Variants in LY9 observed in about 807,000 individuals in gnomAD.
LY9 encodes lymphocyte antigen 9.
LY9 carries 59 observed loss-of-function variants against 64.6 expected under a neutral mutation model. The ratio of observed to expected loss-of-function variants is 0.91; its 90% CI spans 0.74 to 1.13. The LOEUF (loss-of-function observed/expected upper bound fraction) is 1.13, where lower values mean the gene tolerates loss of function less well. Ranked by LOEUF, LY9 falls within the 50% of genes most tolerant of loss-of-function variation. LY9 has a pLI of 0.00. For missense variants in LY9, 789 were observed against 797.2 expected, an observed-to-expected ratio of 0.99 and a Z score of 0.12; for synonymous variants, 281 against 308.5, an observed-to-expected ratio of 0.91 and a Z score of 0.93.
intron 9 of LY9, among the ~76,000 whole-genome samples, chr1:160,826,919 C>T (rs1668881920): frequency 6.6e-6 from 1 of 152,200 alleles, no homozygotes; most frequent in African/African-American, 2.4e-5. Flanking sequence ...AAGTCAGTCC[C>T]TGCTCTGAGT....
intron 2 of LY9, chr1:160,801,722 G>A (rs989402106): frequency 3.2e-6 from 4 of 1,261,556 alleles, no homozygotes; most frequent in Non-Finnish European, 1.2e-6. Context: ...TTTTGAGGAG[G>A]TTTTTTATAT....
chr1:160,824,500 G>T (rs1668736387), intron 9 of LY9: 1 of 985,010 alleles, frequency 1.0e-6, no homozygotes, highest in Admixed American at 6.1e-5. Context: ...ACACTGACCT[G>T]AATGACAGCT....
At chr1:160,809,315 C>A (rs1425590311) in intron 2 of LY9, among the ~76,000 whole-genome samples, 4 of 149,466 alleles carry the variant, frequency 2.7e-5, no homozygotes, top group Non-Finnish European at 5.9e-5. Flanking sequence ...CCACCATGCC[C>A]AGCTTTTAAA....
rs1466814887 is a variant in LY9 at position 160,823,932 on chromosome 1, G to T, written c.1830+136G>T. On this transcript the variant is annotated intron_variant, in intron 8 of 9. Transcript: ENST00000263285. ...AGGGGCATACGGGCAGGGACTCATG[G>T]CTGTGTCCATGTTTACCAAACCTTG... 1.4e-5 allele frequency: 11 copies of T among 788,230 alleles called. 1 individual carries two copies. In the South Asian group the frequency reaches 1.9e-4, roughly 13 times the overall value. The allele number at this position is 788,230 out of a possible 1,614,324, so 48.8% of individuals were successfully genotyped here.
At chr1:160,807,172 C>G (rs1667060512) in intron 2 of LY9, among the ~76,000 whole-genome samples, 1 of 152,110 alleles carries the variant, frequency 6.6e-6, no homozygotes, top group Non-Finnish European at 1.5e-5. Context: ...TCAGAATTCT[C>G]TTGTATCTCA....
At chr1:160,816,489 CA>C in intron 4 of LY9, 104 bp from the exon 5 acceptor site, 1 of 1,313,346 alleles carries the variant, frequency 7.6e-7, no homozygotes, top group Non-Finnish European at 1.0e-6. Context: ...ACTTTGCCGG[CA>C]GTATCAACAC....
In LY9 at chr1:160,814,661, C is replaced by T; in HGVS notation, c.972C>T (p.Ile324=). The T allele has an allele frequency of 3.7e-6, 6 of 1,614,204 alleles. No individual in the cohort carries two copies. The highest frequency in any genetic ancestry group is 5.1e-6 in the Non-Finnish European group (6 of 1,180,028). The change falls in exon 4 of 10, where the codon ATC becomes ATT. Residue 324 remains isoleucine (I), a synonymous_variant. Transcript: ENST00000263285. ...CCAGCCAGGACTGCTCCCTGAAGAT[C>T]AGCCAGCTGAAGATAGAGGACGCCG... ...WVSSQDCSLK[I]SQLKIEDAGP...
At chr1:160,810,996 G>C (rs77127595) in intron 2 of LY9, 12 of 152,148 alleles carry the variant, frequency 7.9e-5, no homozygotes, top group African/African-American at 2.7e-4. Context: ...AGATTTTAAG[G>C]CTCAAGCATA....
At chr1:160,807,655 G>C (rs1457114238) in intron 2 of LY9, among the ~76,000 whole-genome samples, 2 of 151,938 alleles carry the variant, frequency 1.3e-5, no homozygotes, top group Non-Finnish European at 2.9e-5. Context: ...TGATTCTCTG[G>C]GTCCCAAGCA....
rs374460703 is a variant in LY9, at chr1:160,802,611, G to T, written c.454+2529G>T. 279 of 985,462 alleles carry T rather than the reference G, an allele frequency of 2.8e-4. 2 individuals are homozygous for T. In the South Asian group the frequency reaches 0.011, roughly 40 times the overall value. 61.0% of individuals were successfully genotyped at this position (985,462 alleles called of 1,614,324 possible). A position where few individuals can be genotyped will look rare whatever the true frequency, so the allele number is the denominator to read the frequency against. On this transcript the variant is annotated intron_variant, in intron 2 of 9. Coordinates refer to ENST00000263285, the MANE Select transcript of LY9 (RefSeq NM_002348.4). ...CTGTAGCTGCCAGTGTACACGTGTG[G>T]ACCCCATTTTATTTTTACACCAATT...
intron 9 of LY9, chr1:160,824,665 C>T (rs960985318): frequency 1.1e-5 from 11 of 981,934 alleles, no homozygotes; most frequent in African/African-American, 7.0e-5. Flanking sequence ...ACCTACAGTA[C>T]ATTAGTTTTA....
At chr1:160,815,059 G>C in intron 4 of LY9, 1 of 373,222 alleles carries the variant, frequency 2.7e-6, no homozygotes, top group South Asian at 4.4e-5. Flanking sequence ...GGGACTAGGA[G>C]GCCAGGTGCG....
intron 9 of LY9, among the ~76,000 whole-genome samples, chr1:160,827,485 G>T (rs1042529220): frequency 2.0e-5 from 3 of 152,188 alleles, no homozygotes; most frequent in African/African-American, 7.2e-5. Context: ...CCCCTTCATT[G>T]TCATTTTTTT....
rs543024629 is a variant in LY9 at position 160,804,620 on chromosome 1, T to C, written c.454+4538T>C. 3.9e-5 allele frequency among the ~76,000 whole-genome samples: 6 copies of C among 152,292 alleles called. No individual in the cohort carries two copies. The East Asian group carries it at 7.7e-4, about 20-fold the overall frequency. On this transcript the variant is annotated intron_variant, in intron 2 of 9. Coordinates refer to ENST00000263285, the MANE Select transcript of LY9 (RefSeq NM_002348.4). ...GCCTCATCGAATGAGTTAAGGAAAATTCCCCCCACTTTGATTTTTAAGAAT... is the reference window on the plus strand; with the variant it reads ...GCCTCATCGAATGAGTTAAGGAAAACTCCCCCCACTTTGATTTTTAAGAAT...
chr1:160,827,805 A>G lies in LY9; in HGVS notation c.1957A>G (p.Asn653Asp), dbSNP rs1338262646. Residue 653 changes from asparagine (N) to aspartate (D), a missense_variant, in exon 10 of 10, where the codon AAT (asparagine) becomes GAT (aspartate). By Grantham distance (23) the Asn-to-Asp change is conservative. Coordinates refer to ENST00000263285, the MANE Select transcript of LY9 (RefSeq NM_002348.4). ...GATTCCTGAAAGTCCTACCTATGAA[A>G]ATTTCACCTGAAAGGAAAAGCAGCT... is the stretch of plus-strand genomic sequence containing the variant. The part of the protein sequence containing the change: ...LEIPESPTYE[N>D]FT 6.2e-7 allele frequency: 1 copy of G among 1,606,482 alleles called. No homozygotes were observed. The highest frequency in any genetic ancestry group is 8.5e-7 in the Non-Finnish European group (1 of 1,176,752).
At chr1:160,819,069 G>A (rs1482168973) in intron 6 of LY9, among the ~76,000 whole-genome samples, 1 of 152,128 alleles carries the variant, frequency 6.6e-6, no homozygotes, top group Non-Finnish European at 1.5e-5. Flanking sequence ...CAGTGGCTAT[G>A]GCAGAGGAGC....
At chr1:160,805,703 C>T (rs1409036184) in intron 2 of LY9, among the ~76,000 whole-genome samples, 1 of 151,352 alleles carries the variant, frequency 6.6e-6, no homozygotes, top group Non-Finnish European at 1.5e-5. Flanking sequence ...TGCTGAAGTC[C>T]TCCACTACTA....
intron 9 of LY9, among the ~76,000 whole-genome samples, chr1:160,826,465 T>A (rs1668859125): frequency 6.6e-6 from 1 of 152,246 alleles, no homozygotes; most frequent in African/African-American, 2.4e-5. Flanking sequence ...GTAGGAGTTA[T>A]TTATATTCTA....
intron 2 of LY9, among the ~76,000 whole-genome samples, chr1:160,800,512 C>T (rs1410936502): frequency 6.6e-6 from 1 of 152,148 alleles, no homozygotes; most frequent in Admixed American, 6.5e-5. Flanking sequence ...AGCCACATTG[C>T]TGCAAAAGAC....
Sources: gnomAD v4.1 joint callset for allele counts (sites outside exome capture counted in the v4.1 genomes callset) on GRCh38, gnomAD v4.1.1 for gene constraint, MANE v1.5 for transcripts, NCBI Gene and HGNC (gene_info 2026-07-23, HGNC 2026-07-21) for gene names.